ALPK2: variants seen among roughly 807,000 people sequenced by gnomAD.
The protein encoded by ALPK2 is alpha-protein kinase 2.
In ALPK2, 127 loss-of-function variants were observed where a neutral mutation model predicts 163.1. The ratio of observed to expected loss-of-function variants is 0.78; its 90% CI spans 0.67 to 0.90. The LOEUF is 0.90. Among genes scored for constraint, ALPK2 ranks in the 40% least tolerant of loss-of-function variants. The pLI, the probability that ALPK2 is intolerant of heterozygous loss-of-function variation, is 0.00. For missense variants in ALPK2, 2,360 were observed against 2,589.6 expected (o/e 0.91, Z 1.92); for synonymous variants, 953 against 959.1 (o/e 0.99, Z 0.12).
chr18:58,497,739 T>C (rs578248614), intron 12 of ALPK2, among the ~76,000 whole-genome samples: 1 of 152,268 alleles, frequency 6.6e-6, no homozygotes, highest in African/African-American at 2.4e-5. Flanking sequence ...AACGGAATAT[T>C]CCCAGTTAAA....
intron 8 of ALPK2, among the ~76,000 whole-genome samples, chr18:58,519,329 T>A (rs1372070051): frequency 2.0e-5 from 3 of 152,226 alleles, no homozygotes; most frequent in Non-Finnish European, 4.4e-5. Context: ...ATTTTAACAA[T>A]TTGGCCTCTA....
intron 5 of ALPK2, among the ~76,000 whole-genome samples, chr18:58,529,735 T>G (rs973478084): frequency 6.6e-6 from 1 of 152,240 alleles, no homozygotes; most frequent in Non-Finnish European, 1.5e-5. Flanking sequence ...TTTTCCCTTT[T>G]ATCACACTTG....
At position 58,544,550 on chromosome 18, in the gene ALPK2, A is replaced by C. The variant is rs990316278; in HGVS notation, c.1963-6326T>G. ...TGTACATGGAAAACAAGATGTACAT[A>C]GATAACAATTCTTGACAAGTTGTGC... On this transcript the variant is annotated intron_variant, in intron 4 of 12. Transcript: ENST00000361673. 7.2e-5 allele frequency: 11 copies of C among 152,368 alleles called. No homozygotes were observed. In the East Asian group the frequency reaches 2.1e-3, roughly 29 times the overall value. 9.4% of individuals were successfully genotyped at this position (152,368 alleles called of 1,614,324 possible).
At position 58,536,236 on chromosome 18, in the gene ALPK2, T is replaced by C. The variant is rs1210185791; in HGVS notation, c.3951A>G (p.Glu1317=). The C allele has an allele frequency of 3.1e-6, 5 of 1,614,218 alleles. No homozygotes were observed. The highest frequency in any genetic ancestry group is 4.2e-6 in the Non-Finnish European group (5 of 1,180,028). Reference sequence around the variant, plus strand: ...TCCAATGTACACTGATGGTGGGCTCTTCGCCTTTATGGCTTTCTCTGCTAT... The same window carrying C: ...TCCAATGTACACTGATGGTGGGCTCCTCGCCTTTATGGCTTTCTCTGCTAT... ...LADSRESHKG[E]EPTISVHWRS... The change falls in exon 5 of 13, where the codon GAA becomes GAG. Residue 1317 remains glutamate, a synonymous_variant. Transcript: ENST00000361673.
chr18:58,610,506 A>C (rs2052122787), intron 2 of ALPK2, among the ~76,000 whole-genome samples: 1 of 152,122 alleles, frequency 6.6e-6, no homozygotes, highest in Admixed American at 6.5e-5. Context: ...ATCAATTCTG[A>C]GTTATTTATT....
chr18:58,589,636 ATCT>A (rs1345680208), intron 3 of ALPK2, among the ~76,000 whole-genome samples: 1 of 152,214 alleles, frequency 6.6e-6, no homozygotes, highest in Non-Finnish European at 1.5e-5. Flanking sequence ...AATCATCATC[ATCT>A]TCTTCATCCT....
At chr18:58,618,311 T>G (rs2052180726) in intron 1 of ALPK2, among the ~76,000 whole-genome samples, 2 of 152,206 alleles carry the variant, frequency 1.3e-5, no homozygotes, top group Non-Finnish European at 2.9e-5. Context: ...CCTCCCAAAG[T>G]GCTGAGATTA....
At chr18:58,565,917 G>A (rs1178048923) in intron 4 of ALPK2, among the ~76,000 whole-genome samples, 1 of 152,098 alleles carries the variant, frequency 6.6e-6, no homozygotes, top group Non-Finnish European at 1.5e-5. Context: ...GAGTAGCTGG[G>A]ACTACAGGCG....
At chr18:58,565,569 G>T (rs2051847620) in intron 4 of ALPK2, among the ~76,000 whole-genome samples, 1 of 151,920 alleles carries the variant, frequency 6.6e-6, no homozygotes, top group South Asian at 2.1e-4. Context: ...AATTGTTACG[G>T]ATGTTTTATC....
chr18:58,609,555 G>C (rs1294299295), intron 2 of ALPK2, among the ~76,000 whole-genome samples: 1 of 152,166 alleles, frequency 6.6e-6, no homozygotes, highest in African/African-American at 2.4e-5. Flanking sequence ...TTTTCATTCA[G>C]GCTGATGAGG....
In ALPK2 at chr18:58,535,552, A is replaced by G; in HGVS notation, c.4635T>C (p.Leu1545=). 6.2e-7 allele frequency: 1 copy of G among 1,614,196 alleles called. No homozygotes were observed. The highest frequency in any genetic ancestry group is 8.5e-7 in the Non-Finnish European group (1 of 1,180,016). Residue 1545 remains leucine (L), a synonymous_variant, in exon 5 of 13, where the codon CTT becomes CTC. Transcript: ENST00000361673. ...CAAGAGAAGCGTGAGTCATTATTGG[A>G]AGACAACTAGAAAGAGGTGAAGTGG... ...ISPTSPLSSC[L]PIMTHASLGV...
At position 58,580,362 on chromosome 18, in the gene ALPK2, A is replaced by T; in HGVS notation, c.414T>A (p.Asn138Lys). ...AAGGATGTTCCTTCTCATCAATCTG[A>T]TTTGCCCTTTCTTCTTCATGTGTCC... ...ETGTHEEERA[N>K]QIDEKEHPYK... Residue 138 changes from asparagine (N) to lysine (K), a missense_variant, in exon 4 of 13, where the codon AAT becomes AAA. Coordinates refer to ENST00000361673, the MANE Select transcript of ALPK2 (RefSeq NM_052947.4). 1 of 1,613,944 alleles carries T rather than the reference A, an allele frequency of 6.2e-7. No individual in the cohort carries two copies. The highest frequency in any genetic ancestry group is 8.5e-7 in the Non-Finnish European group (1 of 1,179,992).
chr18:58,557,712 TC>T (rs2051802112), intron 4 of ALPK2, among the ~76,000 whole-genome samples: 4 of 36,972 alleles, frequency 1.1e-4, no homozygotes, highest in African/African-American at 2.6e-4. Context: ...TTATATTTTG[TC>T]ATTGGATTGT....
intron 5 of ALPK2, 117 bp from the exon 6 acceptor site, chr18:58,529,355 G>A: frequency 8.8e-7 from 1 of 1,141,030 alleles, no homozygotes; most frequent in Non-Finnish European, 1.2e-6. Context: ...AATTATGGAA[G>A]TGAGAATTGA....
chr18:58,487,277 A>T (rs2051344329), intron 12 of ALPK2, among the ~76,000 whole-genome samples: 1 of 152,220 alleles, frequency 6.6e-6, no homozygotes, highest in Non-Finnish European at 1.5e-5. Flanking sequence ...CAGGGGGAAT[A>T]TCATGTGATG....
chr18:58,517,276 GA>G lies in ALPK2; in HGVS notation c.5666-95del, dbSNP rs2051527403. The G allele has an allele frequency of 2.2e-6, 3 of 1,343,146 alleles. No individual in the cohort carries two copies. The East Asian group carries it at 7.3e-5, about 33-fold the overall frequency. The allele number at this position is 1,343,146 out of a possible 1,614,324, so 83.2% of individuals were successfully genotyped here. A position where few individuals can be genotyped will look rare whatever the true frequency, so the allele number is the denominator to read the frequency against. On this transcript the variant is annotated intron_variant, in intron 8 of 12. Transcript: ENST00000361673. ...GGGAGGGTCCCCACATAAGGACAAT[GA>G]CAAGGCTGACCTGCAGAACCAAGAG... is the stretch of plus-strand genomic sequence containing the variant.
At chr18:58,482,673 A>G (rs1458493831) in intron 12 of ALPK2, among the ~76,000 whole-genome samples, 6 of 152,220 alleles carry the variant, frequency 3.9e-5, no homozygotes, top group Non-Finnish European at 5.9e-5. Flanking sequence ...CTTTGTCTCC[A>G]GTAGGCCCTA....
chr18:58,618,549 A>G (rs2052182013), intron 1 of ALPK2, among the ~76,000 whole-genome samples: 1 of 152,188 alleles, frequency 6.6e-6, no homozygotes, highest in Non-Finnish European at 1.5e-5. Flanking sequence ...TCATTTGACC[A>G]TTATGGAATT....
chr18:58,599,475 T>C (rs1602235153), intron 3 of ALPK2, among the ~76,000 whole-genome samples: 1 of 152,222 alleles, frequency 6.6e-6, no homozygotes, highest in African/African-American at 2.4e-5. Flanking sequence ...CACAGGAACA[T>C]GAAGTTCACA....
Sources: allele counts gnomAD v4.1 joint callset (sites outside exome capture counted in the v4.1 genomes callset), GRCh38; gene constraint gnomAD v4.1.1; transcripts MANE v1.5; gene names NCBI Gene and HGNC (gene_info 2026-07-23, HGNC 2026-07-21).